Variants in SPAG16 observed in about 807,000 individuals in gnomAD.
The protein encoded by SPAG16 is sperm-associated antigen 16 protein.
In SPAG16, 86 loss-of-function variants were observed where a neutral mutation model predicts 80.4. That is an observed-to-expected ratio of 1.07 (90% CI 0.90 to 1.28). SPAG16 has a LOEUF of 1.28. Ranked by LOEUF, SPAG16 falls within the 50% of genes most tolerant of loss-of-function variation. The probability of loss-of-function intolerance (pLI) is 0.00; values close to 1 mark genes in which losing one functional copy is unlikely to be tolerated. For missense variants in SPAG16, 870 were observed against 765.3 expected, an observed-to-expected ratio of 1.14 and a Z score of -1.61; for synonymous variants, 294 against 265.9, an observed-to-expected ratio of 1.11 and a Z score of -1.03.
chr2:213,509,585 A>G (rs2075135372), intron 10 of SPAG16, among the ~76,000 whole-genome samples: 1 of 152,228 alleles, frequency 6.6e-6, no homozygotes, highest in Admixed American at 6.5e-5. Flanking sequence ...ATCTCCTGGT[A>G]TGCCGTTGGA....
intron 15 of SPAG16, among the ~76,000 whole-genome samples, chr2:214,258,260 G>A (rs1282507910): frequency 6.6e-6 from 1 of 151,480 alleles, no homozygotes; most frequent in African/African-American, 2.4e-5. Context: ...TCTTCTTCCC[G>A]AGTCCCCAAA....
At chr2:213,955,723 G>T (rs1322355876) in intron 12 of SPAG16, among the ~76,000 whole-genome samples, 1 of 151,926 alleles carries the variant, frequency 6.6e-6, no homozygotes, top group Non-Finnish European at 1.5e-5. Flanking sequence ...ATTATGGTAG[G>T]TTTTGTGTTT....
chr2:214,392,729 TGA>T (rs1701162562), intron 15 of SPAG16, among the ~76,000 whole-genome samples: 1 of 149,870 alleles, frequency 6.7e-6, no homozygotes, highest in African/African-American at 2.4e-5. Context: ...GAGTGGTCAC[TGA>T]CTTAACAGAG....
At chr2:213,663,286 A>G (rs1457294213) in intron 10 of SPAG16, among the ~76,000 whole-genome samples, 1 of 152,130 alleles carries the variant, frequency 6.6e-6, no homozygotes, top group Non-Finnish European at 1.5e-5. Flanking sequence ...ATATGGCCTT[A>G]GATTTTTATG....
intron 15 of SPAG16, among the ~76,000 whole-genome samples, chr2:214,223,027 A>G (rs2058617607): frequency 6.6e-6 from 1 of 152,242 alleles, no homozygotes; most frequent in African/African-American, 2.4e-5. Context: ...TTTGTGGTTA[A>G]TGTCAAAAAT....
rs373792083 is a variant in SPAG16, at chr2:213,340,196, A to G, written c.570A>G (p.Lys190=). 2.2e-4 allele frequency: 357 copies of G among 1,612,196 alleles called. No individual in the cohort carries two copies. Among genetic ancestry groups the G allele is most frequent in the Non-Finnish European group, 2.8e-4 (327 of 1,179,318 alleles). ...GAGAAGATTTGCTGAAAATTCAGAA[A>G]GAACGTGATTTTCATCGAATGCATC... ...KAREDLLKIQ[K]ERDFHRMHHK... The change falls in exon 6 of 16, where the codon AAA becomes AAG. Residue 190 remains lysine, a synonymous_variant. Coordinates refer to ENST00000331683, the MANE Select transcript of SPAG16 (RefSeq NM_024532.5).
intron 15 of SPAG16, among the ~76,000 whole-genome samples, chr2:214,314,959 T>TAA (rs71037365): frequency 7.6e-4 from 111 of 145,854 alleles, no homozygotes; most frequent in African/African-American, 1.9e-3. Flanking sequence ...GATACTGTAT[T>TAA]AAAAAAAAAA....
chr2:214,302,641 C>T (rs1447094119), intron 15 of SPAG16, among the ~76,000 whole-genome samples: 4 of 151,972 alleles, frequency 2.6e-5, no homozygotes, highest in African/African-American at 4.8e-5. Flanking sequence ...CCACCGCACC[C>T]GGCTAATTTT....
intron 12 of SPAG16, among the ~76,000 whole-genome samples, chr2:213,958,154 T>C (rs554193438): frequency 2.0e-5 from 3 of 152,310 alleles, no homozygotes; most frequent in Admixed American, 6.5e-5. Flanking sequence ...AAAGCCCTTA[T>C]TGGGGTCCAG....
At chr2:214,387,091 TC>T (rs1467998310) in intron 15 of SPAG16, among the ~76,000 whole-genome samples, 2 of 152,134 alleles carry the variant, frequency 1.3e-5, no homozygotes, top group African/African-American at 4.8e-5. Context: ...TCAGTCTTTT[TC>T]CCTTCAACTT....
At chr2:213,314,617 A>G (rs930820226) in intron 4 of SPAG16, among the ~76,000 whole-genome samples, 1 of 151,952 alleles carries the variant, frequency 6.6e-6, no homozygotes. Flanking sequence ...CCTGAGATAT[A>G]TACTATGTAA....
chr2:214,406,882 A>T (rs1004141744), intron 15 of SPAG16, among the ~76,000 whole-genome samples: 7 of 152,132 alleles, frequency 4.6e-5, no homozygotes, highest in Non-Finnish European at 1.0e-4. Context: ...GCAGATAAAA[A>T]TAAGTATTGA....
intron 11 of SPAG16, among the ~76,000 whole-genome samples, chr2:213,903,326 G>T (rs2077297388): frequency 6.6e-6 from 1 of 152,214 alleles, no homozygotes. Flanking sequence ...TGGACATCCA[G>T]GTGTTTCTAT....
Position 213,297,251 on chromosome 2 carries a change from C to T in SPAG16, c.184-11C>T, listed in dbSNP as rs765390604. 6.3e-7 allele frequency: 1 copy of T among 1,591,656 alleles called. No homozygotes were observed. The highest frequency in any genetic ancestry group is 8.6e-7 in the Non-Finnish European group (1 of 1,164,950). ...TCACTCTTCCTATCCTTCTCTTTCT[C>T]TGTGATCTAGATACCAGATGACAAT... On this transcript the variant is annotated splice_polypyrimidine_tract_variant and intron_variant, in intron 2 of 15. Coordinates refer to ENST00000331683, the MANE Select transcript of SPAG16 (RefSeq NM_024532.5).
chr2:214,198,614 C>G (rs1326235074), intron 15 of SPAG16, among the ~76,000 whole-genome samples: 1 of 151,916 alleles, frequency 6.6e-6, no homozygotes. Flanking sequence ...GGGTAGATAC[C>G]GAGTAGTGCA....
At chr2:214,293,889 T>C (rs907484406) in intron 15 of SPAG16, among the ~76,000 whole-genome samples, 1 of 152,198 alleles carries the variant, frequency 6.6e-6, no homozygotes, top group African/African-American at 2.4e-5. Context: ...CCACTCTCAA[T>C]GACAGCAACA....
chr2:213,882,786 A>T (rs1230745085), intron 11 of SPAG16, among the ~76,000 whole-genome samples: 1 of 152,096 alleles, frequency 6.6e-6, no homozygotes, highest in Non-Finnish European at 1.5e-5. Flanking sequence ...TTGCTTTGCA[A>T]TATTATCCAG....
Position 213,949,707 on chromosome 2 carries a change from T to C in SPAG16, c.1400+19562T>C, listed in dbSNP as rs550660866. 2.0e-5 allele frequency among the ~76,000 whole-genome samples: 3 copies of C among 152,306 alleles called. No individual in the cohort carries two copies. In the South Asian group the frequency reaches 6.2e-4, roughly 32 times the overall value. On this transcript the variant is annotated intron_variant, in intron 12 of 15. Transcript: ENST00000331683. ...TTATTTACCATGCCTACTTAGGCCT[T>C]CATTTTTATTGCATAATGAGGCGTA...
intron 13 of SPAG16, among the ~76,000 whole-genome samples, chr2:214,031,858 C>T (rs1204231146): frequency 6.6e-6 from 1 of 151,994 alleles, no homozygotes; most frequent in African/African-American, 2.4e-5. Flanking sequence ...TTTTAAACAA[C>T]CAGATCTCAT....
Sources: allele counts gnomAD v4.1 joint callset (sites outside exome capture counted in the v4.1 genomes callset), GRCh38; gene constraint gnomAD v4.1.1; transcripts MANE v1.5; gene names NCBI Gene and HGNC (gene_info 2026-07-23, HGNC 2026-07-21).